EIPR1: variants seen among roughly 807,000 people sequenced by gnomAD.
EIPR1 encodes the protein EARP and GARP complex-interacting protein 1.
EIPR1 carries 25 observed loss-of-function variants against 48.1 expected under a neutral mutation model. That is an observed-to-expected ratio of 0.52 (90% confidence interval 0.38 to 0.73). The LOEUF is 0.73. EIPR1 is among the 30% of genes least tolerant of loss of function. EIPR1 has a pLI of 0.00. For missense variants in EIPR1, 415 were observed against 506.2 expected (o/e 0.82, Z 1.73); for synonymous variants, 204 against 201.9 (o/e 1.01, Z -0.09).
At chr2:3,203,802 A>G (rs1293585153) in intron 5 of EIPR1, among the ~76,000 whole-genome samples, 1 of 152,218 alleles carries the variant, frequency 6.6e-6, no homozygotes, top group African/African-American at 2.4e-5. Flanking sequence ...CAAGCTCCAC[A>G]CTGTGGGGCC....
At chr2:3,295,993 G>A (rs1668569972) in intron 3 of EIPR1, among the ~76,000 whole-genome samples, 2 of 71,122 alleles carry the variant, frequency 2.8e-5, no homozygotes, top group African/African-American at 5.7e-5. Context: ...CCTCCATCCA[G>A]CCCATCCTCT....
intron 3 of EIPR1, chr2:3,318,834 T>G (rs1490046354): frequency 6.4e-6 from 3 of 470,378 alleles, no homozygotes; most frequent in Non-Finnish European, 1.3e-5. Flanking sequence ...GGTGCTTGTT[T>G]ACATAAACAC....
chr2:3,270,119 T>C (rs1055939466), intron 3 of EIPR1, among the ~76,000 whole-genome samples: 1 of 152,244 alleles, frequency 6.6e-6, no homozygotes, highest in African/African-American at 2.4e-5. Context: ...TTTATTGATT[T>C]AGAGGCAGTA....
chr2:3,347,006 C>T (rs762183780), intron 2 of EIPR1, among the ~76,000 whole-genome samples: 11 of 152,078 alleles, frequency 7.2e-5, no homozygotes, highest in Admixed American at 2.0e-4. Context: ...TTCATGATAG[C>T]GAGTTCTTCT....
chr2:3,377,574 C>A lies in EIPR1; in HGVS notation c.42+74G>T, dbSNP rs375639220. ...CAGGGCTGGTGGGAGATCTGCAAACCGAAGTCACCATGGGACCGCGCATGC... is the reference window on the plus strand; with the variant it reads ...CAGGGCTGGTGGGAGATCTGCAAACAGAAGTCACCATGGGACCGCGCATGC... On this transcript the variant is annotated intron_variant, in intron 1 of 8. Coordinates refer to ENST00000382125, the MANE Select transcript of EIPR1 (RefSeq NM_003310.5). 52 of 1,534,776 alleles carry A rather than the reference C, an allele frequency of 3.4e-5. No individual in the cohort carries two copies. In the Admixed American group the frequency reaches 3.6e-4, roughly 11 times the overall value.
chr2:3,246,808 G>GGAGA lies in EIPR1; in HGVS notation c.416+10490_416+10491insTCTC, dbSNP rs1666815692. Among the ~76,000 whole-genome samples, 9 of 59,336 alleles carry GGAGA rather than the reference G, an allele frequency of 1.5e-4. No individual in the cohort carries two copies. The Admixed American group carries it at 1.6e-3, about 10-fold the overall frequency. 38.9% of individuals were successfully genotyped at this position (59,336 alleles called of 152,430 possible). A position where few individuals can be genotyped will look rare whatever the true frequency, so the allele number is the denominator to read the frequency against. On this transcript the variant is annotated intron_variant, in intron 4 of 8. Transcript: ENST00000382125. Reference sequence around the variant, plus strand: ...GAAACGGAGGGAGGGAGGGAGGCAGGGAGGGAGGGAGGGAGGAAGGGAGGG... The same window carrying GGAGA: ...GAAACGGAGGGAGGGAGGGAGGCAGGGAGAGAGGGAGGGAGGGAGGAAGGGAGGG...
At position 3,330,753 on chromosome 2, in the gene EIPR1, G is replaced by A. The variant is rs148214610; in HGVS notation, c.259+7264C>T. ...AGCAGAGGTAGGCACGTGTACACTCGTGAGATGGTGTGAGCAGAGGCAAGC... is the reference window on the plus strand; with the variant it reads ...AGCAGAGGTAGGCACGTGTACACTCATGAGATGGTGTGAGCAGAGGCAAGC... On this transcript the variant is annotated intron_variant, in intron 3 of 8. Transcript: ENST00000382125. Among the ~76,000 whole-genome samples, 504 of 139,084 alleles carry A rather than the reference G, an allele frequency of 3.6e-3. 5 individuals carry two copies. Among genetic ancestry groups the A allele is most frequent in the African/African-American group, 0.013 (486 of 38,732 alleles). The allele number at this position is 139,084 out of a possible 152,430, so 91.2% of individuals were successfully genotyped here.
intron 4 of EIPR1, among the ~76,000 whole-genome samples, chr2:3,245,237 G>A (rs1666761038): frequency 6.6e-6 from 1 of 151,786 alleles, no homozygotes; most frequent in African/African-American, 2.4e-5. Flanking sequence ...TTTTGAGATG[G>A]GGTCTTGCTC....
At chr2:3,235,450 A>G (rs116761382) in intron 4 of EIPR1, among the ~76,000 whole-genome samples, 1,123 of 27,970 alleles carry the variant, frequency 0.04, 14 homozygotes, top group African/African-American at 0.066. Context: ...GCGTGCGCGC[A>G]CACACACACA....
At chr2:3,361,808 T>A (rs1670858309) in intron 1 of EIPR1, among the ~76,000 whole-genome samples, 2 of 148,356 alleles carry the variant, frequency 1.3e-5, no homozygotes, top group Admixed American at 1.3e-4. Context: ...GCCCTTGGAC[T>A]CCCTCACACG....
intron 4 of EIPR1, among the ~76,000 whole-genome samples, chr2:3,240,709 T>C (rs1225550593): frequency 0.011 from 1,417 of 132,108 alleles, no homozygotes; most frequent in Non-Finnish European, 0.013. Context: ...AGCCAGCAGA[T>C]CCCTCCTAAA....
intron 7 of EIPR1, 137 bp from the exon 8 acceptor site, chr2:3,192,718 G>C (rs1201031555): frequency 2.5e-6 from 2 of 812,980 alleles, no homozygotes; most frequent in Non-Finnish European, 3.8e-6. Flanking sequence ...CCAGTCACAG[G>C]GCCTGACATA....
chr2:3,230,214 T>C (rs1666198955), intron 4 of EIPR1, among the ~76,000 whole-genome samples: 1 of 152,168 alleles, frequency 6.6e-6, no homozygotes, highest in South Asian at 2.1e-4. Context: ...TCATTGTCAG[T>C]ATATAGCAAT....
chr2:3,341,095 C>CAAA (rs55667121), intron 2 of EIPR1, among the ~76,000 whole-genome samples: 58 of 22,180 alleles, frequency 2.6e-3, no homozygotes, highest in Non-Finnish European at 3.8e-3. Context: ...GATCCTGTCT[C>CAAA]AAAAAAAAAA....
intron 3 of EIPR1, among the ~76,000 whole-genome samples, chr2:3,277,960 A>T (rs1186319688): frequency 6.6e-6 from 1 of 152,180 alleles, no homozygotes; most frequent in African/African-American, 2.4e-5. Flanking sequence ...AGGGGGCACA[A>T]GCCAGTCAGG....
intron 4 of EIPR1, among the ~76,000 whole-genome samples, chr2:3,221,890 G>C (rs1396783068): frequency 6.6e-6 from 1 of 152,228 alleles, no homozygotes; most frequent in Non-Finnish European, 1.5e-5. Context: ...GATGGCCACA[G>C]ACAGCTCTGG....
chr2:3,225,511 G>A (rs576931570), intron 4 of EIPR1, among the ~76,000 whole-genome samples: 1 of 152,272 alleles, frequency 6.6e-6, no homozygotes, highest in East Asian at 1.9e-4. Context: ...TTCCCAAAGT[G>A]CTTGAATTAG....
chr2:3,358,466 A>C (rs537812438), intron 1 of EIPR1, among the ~76,000 whole-genome samples: 40 of 152,230 alleles, frequency 2.6e-4, no homozygotes, highest in Non-Finnish European at 5.0e-4. Flanking sequence ...CATTCCCATG[A>C]TTAGACACCT....
chr2:3,363,138 G>A (rs1558320952), intron 1 of EIPR1, among the ~76,000 whole-genome samples: 1 of 151,842 alleles, frequency 6.6e-6, no homozygotes. Flanking sequence ...TGCGATGGGG[G>A]CCGGGCCCAG....
Sources: allele counts gnomAD v4.1 joint callset (sites outside exome capture counted in the v4.1 genomes callset), GRCh38; gene constraint gnomAD v4.1.1; transcripts MANE v1.5; gene names NCBI Gene and HGNC (gene_info 2026-07-23, HGNC 2026-07-21).